Variants in AIM2 observed in about 807,000 individuals in gnomAD.
The protein encoded by AIM2 is absent in melanoma 2, also known as interferon-inducible protein AIM2.
A neutral mutation model predicts 27.7 loss-of-function variants in AIM2; 30 were observed. That is an observed-to-expected ratio of 1.08 (90% CI 0.81 to 1.47). The LOEUF (loss-of-function observed/expected upper bound fraction) is 1.47. Ranked by LOEUF, AIM2 falls within the 40% of genes most tolerant of loss-of-function variation. The pLI is 0.00. For missense variants in AIM2, 358 were observed against 411.3 expected, an observed-to-expected ratio of 0.87 and a Z score of 1.12; for synonymous variants, 141 against 145.3, an observed-to-expected ratio of 0.97 and a Z score of 0.21.
chr1:159,107,306 A>ACG (rs947617887), intron 1 of AIM2, among the ~76,000 whole-genome samples: 2 of 147,876 alleles, frequency 1.4e-5, no homozygotes, highest in African/African-American at 5.0e-5. Context: ...ACATGTGTGT[A>ACG]TGTGTGTGTG....
chr1:159,094,748 T>A (rs1657133655), intron 1 of AIM2, among the ~76,000 whole-genome samples: 2 of 152,192 alleles, frequency 1.3e-5, no homozygotes, highest in Non-Finnish European at 2.9e-5. Context: ...TGAATTTTTT[T>A]AAGTATTGGT....
At chr1:159,071,541 CTG>C (rs1656365360) in intron 2 of AIM2, among the ~76,000 whole-genome samples, 1 of 152,148 alleles carries the variant, frequency 6.6e-6, no homozygotes, top group Non-Finnish European at 1.5e-5. Flanking sequence ...CAGGGTCTCA[CTG>C]TTGTTGCCCA....
chr1:159,095,052 GA>G (rs1371873452), intron 1 of AIM2, among the ~76,000 whole-genome samples: 3 of 152,174 alleles, frequency 2.0e-5, no homozygotes, highest in African/African-American at 7.2e-5. Context: ...AACAAAAGCA[GA>G]CAAAGAACAA....
At chr1:159,140,813 G>A (rs1003564091), upstream of AIM2, among the ~76,000 whole-genome samples, 1 of 152,144 alleles carries the variant, frequency 6.6e-6, no homozygotes, top group Non-Finnish European at 1.5e-5. Context: ...GGAGGAGAGA[G>A]GTGGTGAGAA....
chr1:159,079,668 C>T (rs1656726965), upstream of AIM2, among the ~76,000 whole-genome samples: 1 of 152,178 alleles, frequency 6.6e-6, no homozygotes, highest in African/African-American at 2.4e-5. Flanking sequence ...TCAACATTCC[C>T]ACCAGGGTGG....
intron 3 of AIM2, among the ~76,000 whole-genome samples, chr1:159,068,367 C>T (rs1656201297): frequency 6.6e-6 from 1 of 152,242 alleles, no homozygotes; most frequent in Admixed American, 6.5e-5. Context: ...CAGAACCTGG[C>T]AGAGATTAGA....
upstream of AIM2, among the ~76,000 whole-genome samples, chr1:159,143,363 T>TA (rs1385887203): frequency 6.6e-6 from 1 of 152,132 alleles, no homozygotes; most frequent in Non-Finnish European, 1.5e-5. Flanking sequence ...TGATTGTGTC[T>TA]ATTATAGACT....
chr1:159,091,944 C>T (rs984758622), intron 1 of AIM2, among the ~76,000 whole-genome samples: 4 of 152,118 alleles, frequency 2.6e-5, no homozygotes, highest in Non-Finnish European at 1.5e-5. Flanking sequence ...AGCAGGGCCA[C>T]AGGAAACAGA....
intron 1 of AIM2, among the ~76,000 whole-genome samples, chr1:159,136,706 A>T (rs894850208): frequency 6.6e-6 from 1 of 152,264 alleles, no homozygotes; most frequent in Non-Finnish European, 1.5e-5. Flanking sequence ...AAGGACATAA[A>T]CACTGCAATC....
intron 1 of AIM2, among the ~76,000 whole-genome samples, chr1:159,090,459 G>C (rs1482755616): frequency 6.6e-6 from 1 of 152,192 alleles, no homozygotes; most frequent in Non-Finnish European, 1.5e-5. Context: ...CTGCTAGAAA[G>C]CGTGTGACTG....
At position 159,063,191 on chromosome 1, in the gene AIM2, C is replaced by T. The variant is rs562452864; in HGVS notation, c.1005+295G>A. Among the ~76,000 whole-genome samples the T allele has an allele frequency of 3.3e-5, 5 of 152,256 alleles. No individual in the cohort carries two copies. In the South Asian group the frequency reaches 8.3e-4, roughly 25 times the overall value. ...AAGACATTAGTCAGAATGACTTTTC[C>T]GACTCTGGGCAAGCTTTCTGCTTTA... On this transcript the variant is annotated intron_variant, in intron 5 of 5. Coordinates refer to ENST00000368130, the MANE Select transcript of AIM2 (RefSeq NM_004833.3).
At chr1:159,073,580 A>G in intron 1 of AIM2, 61 bp from the exon 2 acceptor site, 1 of 1,446,876 alleles carries the variant, frequency 6.9e-7, no homozygotes, top group Non-Finnish European at 9.4e-7. Context: ...ATTCAAAATA[A>G]AGCAAGGTGA....
At chr1:159,113,111 A>AT (rs1418092166) in intron 1 of AIM2, among the ~76,000 whole-genome samples, 1 of 151,782 alleles carries the variant, frequency 6.6e-6, no homozygotes, top group East Asian at 1.9e-4. Flanking sequence ...CGCCCAGCTA[A>AT]TTTTTTGTAT....
At chr1:159,084,464 A>C (rs1324405892) in intron 1 of AIM2, among the ~76,000 whole-genome samples, 2 of 152,112 alleles carry the variant, frequency 1.3e-5, no homozygotes, top group African/African-American at 2.4e-5. Flanking sequence ...AAGGAGACAG[A>C]AACTTTATTA....
At position 159,112,997 on chromosome 1, in the gene AIM2, T is replaced by G. The variant is rs374513774; in HGVS notation, c.-16+27434A>C. 4.6e-5 allele frequency among the ~76,000 whole-genome samples: 7 copies of G among 151,436 alleles called. 1 individual carries two copies. The highest frequency in any genetic ancestry group is 1.7e-4 in the African/African-American group (7 of 41,100). ...TCTCACTCTGTCGCCCAGGCTGGAG[T>G]GCAGTGGCGCGATCTCGGCTCACTG... On this transcript the variant is annotated intron_variant, in intron 1 of 2. Coordinates refer to the AIM2 transcript ENST00000368129.
At chr1:159,073,773 C>T (rs749425310) in intron 1 of AIM2, among the ~76,000 whole-genome samples, 2 of 152,140 alleles carry the variant, frequency 1.3e-5, no homozygotes, top group East Asian at 1.9e-4. Context: ...CGGTAGCTCA[C>T]GCCTGTAATA....
chr1:159,141,384 T>C (rs1648106651), upstream of AIM2, among the ~76,000 whole-genome samples: 1 of 152,044 alleles, frequency 6.6e-6, no homozygotes, highest in Non-Finnish European at 1.5e-5. Flanking sequence ...TCAGTCGGGC[T>C]GAACAGAGAG....
At chr1:159,118,581 C>T (rs1182745073) in intron 1 of AIM2, among the ~76,000 whole-genome samples, 1 of 152,104 alleles carries the variant, frequency 6.6e-6, no homozygotes, top group Non-Finnish European at 1.5e-5. Flanking sequence ...TTATAAAGAG[C>T]AAATATCTGT....
intron 1 of AIM2, among the ~76,000 whole-genome samples, chr1:159,121,667 T>A (rs560644739): frequency 1.3e-5 from 2 of 152,186 alleles, no homozygotes; most frequent in Admixed American, 6.5e-5. Flanking sequence ...GACCAGGTAA[T>A]GACTGCAGGG....
Sources: gnomAD v4.1 joint callset for allele counts (sites outside exome capture counted in the v4.1 genomes callset) on GRCh38, gnomAD v4.1.1 for gene constraint, MANE v1.5 for transcripts, NCBI Gene and HGNC (gene_info 2026-07-23, HGNC 2026-07-21) for gene names.